CCSER1: variants seen among roughly 807,000 people sequenced by gnomAD.
The protein encoded by CCSER1 is serine-rich coiled-coil domain-containing protein 1.
Under a neutral mutation model 82.0 loss-of-function variants are expected in CCSER1, and 41 were observed. The ratio of observed to expected loss-of-function variants is 0.50; its 90% confidence interval spans 0.39 to 0.65. The LOEUF (loss-of-function observed/expected upper bound fraction) is 0.65. Among genes scored for constraint, CCSER1 ranks in the 30% least tolerant of loss-of-function variants. The pLI, the probability that CCSER1 is intolerant of heterozygous loss-of-function variation, is 0.00. For synonymous variants in CCSER1, 414 were observed against 383.9 expected, an observed-to-expected ratio of 1.08 and a Z score of -0.92; for missense variants, 1,119 against 1,064.2, an observed-to-expected ratio of 1.05 and a Z score of -0.72.
chr4:91,344,346 G>T (rs1747912683), intron 10 of CCSER1, among the ~76,000 whole-genome samples: 1 of 152,062 alleles, frequency 6.6e-6, no homozygotes, highest in African/African-American at 2.4e-5. Context: ...AAGTTATTTT[G>T]TTACATCAGC....
In CCSER1 at chr4:90,309,017, C is replaced by G. The variant is rs1199541867; in HGVS notation, c.733C>G (p.Pro245Ala). The G allele has an allele frequency of 1.2e-6, 2 of 1,613,818 alleles. No homozygotes were observed. Among genetic ancestry groups the G allele is most frequent in the Admixed American group, 1.7e-5 (1 of 59,986 alleles). Residue 245 changes from proline to alanine, a missense_variant, in exon 2 of 11, where the codon CCT becomes GCT. Transcript: ENST00000509176. ...ACGGGCAGGAAGCTCTTTACAATCTCCTTTGCTTTCTGCTGATCTTACCAC... is the reference window on the plus strand; with the variant it reads ...ACGGGCAGGAAGCTCTTTACAATCTGCTTTGCTTTCTGCTGATCTTACCAC... The part of the protein sequence containing the change: ...TERAGSSLQS[P>A]LLSADLTTAQ...
intron 10 of CCSER1, among the ~76,000 whole-genome samples, chr4:91,156,199 G>A (rs2148965444): frequency 6.6e-6 from 1 of 151,816 alleles, no homozygotes; most frequent in Middle Eastern, 3.4e-3. Flanking sequence ...ACTATTGTAT[G>A]TACTTGAAGT....
intron 1 of CCSER1, among the ~76,000 whole-genome samples, chr4:90,135,678 G>A (rs1723558671): frequency 6.6e-6 from 1 of 152,202 alleles, no homozygotes; most frequent in South Asian, 2.1e-4. Context: ...ACCAGTTTAG[G>A]ACCATCGCCA....
At chr4:91,002,484 G>A (rs1738120856) in intron 9 of CCSER1, among the ~76,000 whole-genome samples, 1 of 151,964 alleles carries the variant, frequency 6.6e-6, no homozygotes, top group African/African-American at 2.4e-5. Context: ...TGGGTTAATT[G>A]GAGACCCTGT....
intron 1 of CCSER1, among the ~76,000 whole-genome samples, chr4:90,141,829 A>G (rs918790279): frequency 1.3e-5 from 2 of 152,232 alleles, no homozygotes; most frequent in African/African-American, 4.8e-5. Flanking sequence ...TGTTGTGTGT[A>G]AAATAGGATC....
chr4:91,525,424 A>G (rs1760720910), intron 10 of CCSER1, among the ~76,000 whole-genome samples: 1 of 152,172 alleles, frequency 6.6e-6, no homozygotes, highest in Non-Finnish European at 1.5e-5. Context: ...CAGACTTTCT[A>G]TACCTGATGT....
intron 6 of CCSER1, among the ~76,000 whole-genome samples, chr4:90,673,482 A>C (rs1476696425): frequency 1.3e-5 from 2 of 152,030 alleles, no homozygotes; most frequent in African/African-American, 2.4e-5. Flanking sequence ...ACTTAAAATA[A>C]GTAAAACATA....
At chr4:90,375,217 T>C (rs1748116185) in intron 3 of CCSER1, among the ~76,000 whole-genome samples, 1 of 152,186 alleles carries the variant, frequency 6.6e-6, no homozygotes, top group Admixed American at 6.5e-5. Flanking sequence ...TCTAGATTGG[T>C]TATGTTGCTC....
intron 5 of CCSER1, among the ~76,000 whole-genome samples, chr4:90,597,713 A>G (rs1423822481): frequency 6.6e-6 from 1 of 152,110 alleles, no homozygotes; most frequent in Non-Finnish European, 1.5e-5. Context: ...ACACAAAACA[A>G]TGTTATCAAC....
intron 7 of CCSER1, chr4:90,727,419 C>G (rs1301312225): frequency 2.6e-6 from 1 of 390,828 alleles, no homozygotes; most frequent in Middle Eastern, 7.8e-4. Context: ...TTATAGTTTT[C>G]TGAGGACTAA....
At chr4:91,015,609 ATTT>A (rs892896054) in intron 9 of CCSER1, 17 of 151,936 alleles carry the variant, frequency 1.1e-4, no homozygotes, top group African/African-American at 4.1e-4. Flanking sequence ...ATGTAAATTA[ATTT>A]TTATGTTTGA....
chr4:90,142,305 C>T (rs1724942201), intron 1 of CCSER1, among the ~76,000 whole-genome samples: 2 of 152,206 alleles, frequency 1.3e-5, no homozygotes, highest in Non-Finnish European at 2.9e-5. Flanking sequence ...GGCCTAAGTC[C>T]ATGAAACCTT....
intron 10 of CCSER1, among the ~76,000 whole-genome samples, chr4:91,381,346 C>T (rs1000707533): frequency 6.6e-6 from 1 of 152,144 alleles, no homozygotes; most frequent in Non-Finnish European, 1.5e-5. Flanking sequence ...GAGTGTTTTC[C>T]AACTTGGTTC....
chr4:90,195,630 G>A (rs762371949), intron 1 of CCSER1, among the ~76,000 whole-genome samples: 2 of 152,056 alleles, frequency 1.3e-5, no homozygotes, highest in South Asian at 4.1e-4. Context: ...TGTAAATGTA[G>A]GCTGTGCATG....
chr4:91,580,107 C>T lies in CCSER1; in HGVS notation c.2218-18465C>T, dbSNP rs1433464922. 2.0e-5 allele frequency among the ~76,000 whole-genome samples: 3 copies of T among 151,754 alleles called. No individual in the cohort carries two copies. The East Asian group carries it at 5.8e-4, about 29-fold the overall frequency. ...GCTTAAGGATAGAAATGATTTACTG[C>T]CAGTTACTGCAGAGCAAGCTGAAGA... On this transcript the variant is annotated intron_variant, in intron 10 of 10. Transcript: ENST00000509176.
intron 9 of CCSER1, among the ~76,000 whole-genome samples, chr4:90,984,121 A>T (rs937146316): frequency 6.6e-6 from 1 of 151,810 alleles, no homozygotes; most frequent in African/African-American, 2.4e-5. Context: ...GTAAGATGAA[A>T]TGCATACTGG....
intron 10 of CCSER1, among the ~76,000 whole-genome samples, chr4:91,463,535 G>A (rs112935593): frequency 3.3e-5 from 5 of 152,070 alleles, no homozygotes; most frequent in South Asian, 2.1e-4. Flanking sequence ...GAGAGAAGGC[G>A]TCAGACGATC....
intron 9 of CCSER1, among the ~76,000 whole-genome samples, chr4:91,083,499 T>C (rs1287978669): frequency 6.6e-6 from 1 of 152,126 alleles, no homozygotes; most frequent in East Asian, 1.9e-4. Context: ...ATGGCACATG[T>C]ATACCTATGT....
At chr4:90,350,296 G>C (rs1400973876) in intron 3 of CCSER1, among the ~76,000 whole-genome samples, 1 of 152,118 alleles carries the variant, frequency 6.6e-6, no homozygotes, top group African/African-American at 2.4e-5. Context: ...AGTGTTATAA[G>C]AGAATCATGG....
Sources: gnomAD v4.1 joint callset for allele counts (sites outside exome capture counted in the v4.1 genomes callset) on GRCh38, gnomAD v4.1.1 for gene constraint, MANE v1.5 for transcripts, NCBI Gene and HGNC (gene_info 2026-07-23, HGNC 2026-07-21) for gene names.